The following SLC38A12 variants were observed in gnomAD, a reference collection of about 807,000 sequenced individuals.
SLC38A12 encodes the protein solute carrier family 38 member 12, also known as putative sodium-coupled neutral amino acid transporter 12.
chr17:74,794,437 C>A, the SLC38A12 span, among the ~76,000 whole-genome samples: 1 of 152,300 alleles, frequency 6.6e-6, no homozygotes, highest in East Asian at 1.9e-4. Flanking sequence ...CACCATCTCC[C>A]CAGCACACCA....
the SLC38A12 span, chr17:74,819,760 C>T: frequency 2.5e-6 from 4 of 1,614,230 alleles, no homozygotes; most frequent in Non-Finnish European, 3.4e-6. Flanking sequence ...GCGATCTTCA[C>T]TCTCCTCCTC....
At chr17:74,814,358 C>T in the SLC38A12 span, among the ~76,000 whole-genome samples, 1 of 151,988 alleles carries the variant, frequency 6.6e-6, no homozygotes, top group South Asian at 2.1e-4. Flanking sequence ...GCACCCCAGG[C>T]CCCCTTCCTG....
the SLC38A12 span, among the ~76,000 whole-genome samples, chr17:74,786,558 G>A: frequency 6.6e-5 from 10 of 152,200 alleles, no homozygotes; most frequent in Non-Finnish European, 1.3e-4. Context: ...AGAGGAAGGC[G>A]TAACAGGGCG....
chr17:74,797,158 C>T, the SLC38A12 span, among the ~76,000 whole-genome samples: 11 of 152,362 alleles, frequency 7.2e-5, no homozygotes, highest in East Asian at 1.9e-3. Context: ...ATATTGGCTG[C>T]TGCCATTTGC....
the SLC38A12 span, among the ~76,000 whole-genome samples, chr17:74,791,379 C>T: frequency 1.4e-5 from 2 of 138,554 alleles, no homozygotes; most frequent in East Asian, 3.9e-4. Context: ...CAGGCAGCTA[C>T]TCCAGTGAGG....
chr17:74,791,535 C>T, the SLC38A12 span, among the ~76,000 whole-genome samples: 1 of 152,260 alleles, frequency 6.6e-6, no homozygotes, highest in Non-Finnish European at 1.5e-5. Context: ...GATGGTTTTG[C>T]ACCTCCTGCT....
chr17:74,838,792 G>C, the SLC38A12 span: 3 of 1,493,148 alleles, frequency 2.0e-6, no homozygotes, highest in Non-Finnish European at 2.7e-6. Flanking sequence ...AGCCCCAGGT[G>C]ATGCTGGCTC....
chr17:74,805,724 G>A, the SLC38A12 span, among the ~76,000 whole-genome samples: 1 of 152,302 alleles, frequency 6.6e-6, no homozygotes, highest in Non-Finnish European at 1.5e-5. This position sits in a 1 kb window ranked among gnomAD's most constrained non-coding sequence, Gnocchi z 5.0. Flanking sequence ...CCGTGTTCTG[G>A]GCACCTGACT....
chr17:74,836,814 C>G, the SLC38A12 span: 1 of 1,433,484 alleles, frequency 7.0e-7, no homozygotes, highest in Admixed American at 2.9e-5. This position sits in a 1 kb window ranked among gnomAD's most constrained non-coding sequence, Gnocchi z 4.2. Context: ...CTAGGGGAAA[C>G]CCCCTGTCCA....
chr17:74,808,919 G>T, the SLC38A12 span, among the ~76,000 whole-genome samples: 2 of 152,214 alleles, frequency 1.3e-5, no homozygotes, highest in African/African-American at 4.8e-5. Context: ...GGAGCCCCCA[G>T]TGGGTCATGG....
the SLC38A12 span, chr17:74,819,890 C>G: frequency 6.5e-7 from 1 of 1,543,994 alleles, no homozygotes; most frequent in South Asian, 1.1e-5. Flanking sequence ...TCCTCTCGTC[C>G]CTTCCCTCTC....
At chr17:74,813,538 G>A in the SLC38A12 span, among the ~76,000 whole-genome samples, 5 of 152,112 alleles carry the variant, frequency 3.3e-5, 1 homozygote, top group African/African-American at 1.2e-4. Flanking sequence ...CACCCAGGCT[G>A]GAATGCAATG....
At chr17:74,816,016 A>T in the SLC38A12 span, among the ~76,000 whole-genome samples, 1 of 152,152 alleles carries the variant, frequency 6.6e-6, no homozygotes, top group African/African-American at 2.4e-5. Flanking sequence ...CACATCTTCG[A>T]GTCACTGATT....
At chr17:74,802,586 A>G in the SLC38A12 span, among the ~76,000 whole-genome samples, 1 of 152,158 alleles carries the variant, frequency 6.6e-6, no homozygotes, top group African/African-American at 2.4e-5. Flanking sequence ...CCCTTCCCCA[A>G]AATATTTGGG....
the SLC38A12 span, chr17:74,837,984 C>T: frequency 3.0e-6 from 3 of 985,836 alleles, no homozygotes; most frequent in Non-Finnish European, 3.6e-6. Flanking sequence ...GAGTTCAGTG[C>T]CTTGCTCAGC....
chr17:74,794,273 C>T, the SLC38A12 span, among the ~76,000 whole-genome samples: 1 of 152,208 alleles, frequency 6.6e-6, no homozygotes, highest in African/African-American at 2.4e-5. Context: ...AGGACTAGAG[C>T]CCTGTGTTCC....
chr17:74,807,746 G>A, the SLC38A12 span, among the ~76,000 whole-genome samples: 3 of 152,200 alleles, frequency 2.0e-5, no homozygotes, highest in South Asian at 4.1e-4. Flanking sequence ...TCTGAAATTC[G>A]GACAGTGACG....
chr17:74,826,951 A>C, the SLC38A12 span, among the ~76,000 whole-genome samples: 3 of 152,076 alleles, frequency 2.0e-5, no homozygotes, highest in Admixed American at 2.0e-4. Flanking sequence ...TTGGGGTCCT[A>C]CTTGCCCTCC....
chr17:74,835,862 G>C, the SLC38A12 span: 1 of 1,523,726 alleles, frequency 6.6e-7, no homozygotes, highest in Non-Finnish European at 8.8e-7. Context: ...GCGCCCCCCA[G>C]ACCAGAAACT....
Sources: allele counts gnomAD v4.1 joint callset (sites outside exome capture counted in the v4.1 genomes callset), GRCh38; gene constraint gnomAD v4.1.1; non-coding constraint Gnocchi (gnomAD v3.1); transcripts MANE v1.5; gene names NCBI Gene and HGNC (gene_info 2026-07-23, HGNC 2026-07-21).